The following LIMK1 variants were observed in gnomAD, a reference collection of about 807,000 sequenced individuals.
LIMK1 encodes the protein LIM motif-containing protein kinase.
Under a neutral mutation model 77.6 loss-of-function variants are expected in LIMK1, and 21 were observed. The ratio of observed to expected loss-of-function variants is 0.27; its 90% CI spans 0.19 to 0.39. The LOEUF is 0.39. Among genes scored for constraint, LIMK1 ranks in the 10% least tolerant of loss-of-function variants. LIMK1 has a pLI of 1.00. For synonymous variants in LIMK1, 358 were observed against 370.0 expected, an observed-to-expected ratio of 0.97 and a Z score of 0.37; for missense variants, 696 against 901.6, an observed-to-expected ratio of 0.77 and a Z score of 2.92.
chr7:74,090,890 C>T (rs1554694680), intron 2 of LIMK1, among the ~76,000 whole-genome samples: 1 of 152,180 alleles, frequency 6.6e-6, no homozygotes, highest in African/African-American at 2.4e-5. Flanking sequence ...CCTCTCACAA[C>T]AACCCAGTAA....
At chr7:74,085,711 C>A in intron 1 of LIMK1, 37 bp from the exon 2 acceptor site, 2 of 1,521,512 alleles carry the variant, frequency 1.3e-6, no homozygotes, top group Non-Finnish European at 8.9e-7. Flanking sequence ...GATCACACTT[C>A]CTGAGAATGC....
chr7:74,085,719 T>C lies in LIMK1; in HGVS notation c.56-29T>C, dbSNP rs377137312. The C allele has an allele frequency of 5.1e-5, 78 of 1,538,482 alleles. No homozygotes were observed. In the African/African-American group the frequency reaches 6.3e-4, roughly 12 times the overall value. On this transcript the variant is annotated intron_variant, in intron 1 of 15. Coordinates refer to ENST00000336180, the MANE Select transcript of LIMK1 (RefSeq NM_002314.4). Reference sequence around the variant, plus strand: ...TGCACCAGATCACACTTCCTGAGAATGCTTCCCAACTCCCTTCCCACCCTG... The same window carrying C: ...TGCACCAGATCACACTTCCTGAGAACGCTTCCCAACTCCCTTCCCACCCTG...
intron 2 of LIMK1, among the ~76,000 whole-genome samples, chr7:74,090,343 C>G (rs1554694602): frequency 6.6e-6 from 1 of 150,818 alleles, no homozygotes; most frequent in Non-Finnish European, 1.5e-5. Flanking sequence ...CCACTGCACT[C>G]TAGCCTGGGT....
At position 74,085,642 on chromosome 7, in the gene LIMK1, G is replaced by C. The variant is rs572916119; in HGVS notation, c.56-106G>C. ...TGGGCGCTGCACATGTGCAGTGTGC[G>C]AGGATTGGTGCAGGTGTAGGTATAT... On this transcript the variant is annotated intron_variant, in intron 1 of 15. Coordinates refer to ENST00000336180, the MANE Select transcript of LIMK1 (RefSeq NM_002314.4). The C allele has an allele frequency of 9.2e-6, 8 of 867,944 alleles. No homozygotes were observed. In the East Asian group the frequency reaches 1.6e-4, roughly 17 times the overall value. The allele number at this position is 867,944 out of a possible 1,614,324, so 53.8% of individuals were successfully genotyped here. A position where few individuals can be genotyped will look rare whatever the true frequency, so the allele number is the denominator to read the frequency against.
intron 1 of LIMK1, 81 bp downstream of exon 1, chr7:74,084,126 GC>G: frequency 2.7e-6 from 2 of 729,152 alleles, no homozygotes; most frequent in Non-Finnish European, 4.2e-6. Flanking sequence ...GGCCGGGTCT[GC>G]CAGGAGGCCG....
intron 13 of LIMK1, among the ~76,000 whole-genome samples, chr7:74,116,703 CT>C (rs201510427): frequency 4.1e-5 from 6 of 145,306 alleles, no homozygotes; most frequent in African/African-American, 1.5e-4. Flanking sequence ...AACCTTCCTC[CT>C]TTTTTTTTTC....
In LIMK1 at chr7:74,120,992, GC is replaced by G; in HGVS notation, c.1730del (p.Pro577ArgfsTer22). On this transcript the variant is annotated frameshift_variant, in exon 15 of 16. Transcript: ENST00000336180. LOFTEE classifies it high-confidence loss of function. ...CTGGACCGCTACTGCCCCCCAAACT[GC>G]CCCCCGAGCTTCTTCCCCATCACCG... ...GFLDRYCPPN[C>X]PPSFFPITVR... 2 of 1,607,318 alleles carry G rather than the reference GC, an allele frequency of 1.2e-6. No homozygotes were observed. Among genetic ancestry groups the G allele is most frequent in the Admixed American group, 1.7e-5 (1 of 59,308 alleles).
chr7:74,121,450 A>G lies in LIMK1; in HGVS notation c.*149A>G. 1.3e-6 allele frequency: 1 copy of G among 779,050 alleles called. No homozygotes were observed. The highest frequency in any genetic ancestry group is 2.0e-6 in the Non-Finnish European group (1 of 504,570). The allele number at this position is 779,050 out of a possible 1,614,324, so 48.3% of individuals were successfully genotyped here. A position where few individuals can be genotyped will look rare whatever the true frequency, so the allele number is the denominator to read the frequency against. On this transcript the variant is annotated 3_prime_UTR_variant, in exon 16 of 16. Coordinates refer to ENST00000336180, the MANE Select transcript of LIMK1 (RefSeq NM_002314.4). ...TGACTTGCCTTCTCCCACCCCGTGG[A>G]CCGCTTCCCCTGCCTTCTCTCTGCC... is the stretch of plus-strand genomic sequence containing the variant.
rs181247292 is a variant in LIMK1 at position 74,100,045 on chromosome 7, C to T, written c.608+807C>T. Among the ~76,000 whole-genome samples, 231 of 152,054 alleles carry T rather than the reference C, an allele frequency of 1.5e-3. 1 individual carries two copies. Among genetic ancestry groups the T allele is most frequent in the African/African-American group, 5.1e-3 (212 of 41,478 alleles). On this transcript the variant is annotated intron_variant, in intron 5 of 15. Coordinates refer to ENST00000336180, the MANE Select transcript of LIMK1 (RefSeq NM_002314.4). ...GGGCATGGTTGCTCACACTTATAAT[C>T]GAAACACTTTGGGAGGCTGAGATGG...
At chr7:74,086,316 A>C (rs1256396587) in intron 2 of LIMK1, among the ~76,000 whole-genome samples, 1 of 151,866 alleles carries the variant, frequency 6.6e-6, no homozygotes, top group Non-Finnish European at 1.5e-5. Flanking sequence ...AAGTGCTGGG[A>C]TGACAGACAT....
At chr7:74,118,046 T>C (rs1214532174) in intron 13 of LIMK1, among the ~76,000 whole-genome samples, 2 of 149,210 alleles carry the variant, frequency 1.3e-5, no homozygotes, top group Admixed American at 6.7e-5. Flanking sequence ...TGGGCCAAGA[T>C]TGCACCACTG....
intron 5 of LIMK1, among the ~76,000 whole-genome samples, chr7:74,104,978 G>C (rs537558221): frequency 6.6e-6 from 1 of 152,074 alleles, no homozygotes. Context: ...TTTTTGCGAC[G>C]GAGTCTCGCT....
chr7:74,120,246 C>T (rs2115769884), intron 13 of LIMK1, among the ~76,000 whole-genome samples: 1 of 152,312 alleles, frequency 6.6e-6, no homozygotes, highest in East Asian at 1.9e-4. Context: ...CTTTTTCTGA[C>T]CCAGTAACAT....
At chr7:74,102,293 A>G (rs1799475622) in intron 5 of LIMK1, among the ~76,000 whole-genome samples, 1 of 151,978 alleles carries the variant, frequency 6.6e-6, no homozygotes, top group Non-Finnish European at 1.5e-5. Context: ...CGTAACTGCC[A>G]TATTTGGGAG....
At chr7:74,101,349 T>C (rs1258539279) in intron 5 of LIMK1, among the ~76,000 whole-genome samples, 7 of 152,094 alleles carry the variant, frequency 4.6e-5, no homozygotes, top group African/African-American at 1.4e-4. Context: ...ATTTTAGAAA[T>C]GAAGACAGTC....
chr7:74,106,585 C>T (rs1057015832), intron 7 of LIMK1, among the ~76,000 whole-genome samples: 1 of 152,140 alleles, frequency 6.6e-6, no homozygotes, highest in Admixed American at 6.6e-5. Flanking sequence ...ACATGGGAAA[C>T]CTCATCTTTA....
At chr7:74,096,479 G>A (rs1237965907) in intron 2 of LIMK1, 143 bp from the exon 3 acceptor site, 23 of 1,079,860 alleles carry the variant, frequency 2.1e-5, no homozygotes, top group African/African-American at 1.7e-4. Context: ...GCAGCCTGGC[G>A]ACAGAGCAAG....
At chr7:74,090,674 C>T (rs1487949437) in intron 2 of LIMK1, among the ~76,000 whole-genome samples, 1 of 152,188 alleles carries the variant, frequency 6.6e-6, no homozygotes, top group Non-Finnish European at 1.5e-5. Context: ...GACCTTTGTT[C>T]CAGGGCCCCT....
chr7:74,097,340 C>T, intron 4 of LIMK1, 151 bp downstream of exon 4: 1 of 536,242 alleles, frequency 1.9e-6, no homozygotes, highest in East Asian at 3.2e-5. Context: ...CCCATCCCGG[C>T]ATGGAAACAA....
Sources: allele counts gnomAD v4.1 joint callset (sites outside exome capture counted in the v4.1 genomes callset), GRCh38; gene constraint gnomAD v4.1.1; transcripts MANE v1.5; gene names NCBI Gene and HGNC (gene_info 2026-07-23, HGNC 2026-07-21).